Variants in ATP2B1 observed in about 807,000 individuals in gnomAD.
The protein encoded by ATP2B1 is plasma membrane calcium-transporting ATPase 1.
A neutral mutation model predicts 124.2 loss-of-function variants in ATP2B1; 14 were observed. That is an observed-to-expected ratio of 0.11 (90% CI 0.07 to 0.18). The LOEUF is 0.18. ATP2B1 is among the 10% of genes least tolerant of loss of function. The pLI is 1.00. For synonymous variants in ATP2B1, 449 were observed against 492.4 expected (o/e 0.91, Z 1.17); for missense variants, 763 against 1,466.1 (o/e 0.52, Z 7.83).
chr12:89,598,814 A>G, intron 20 of ATP2B1: 2 of 1,558,314 alleles, frequency 1.3e-6, no homozygotes, highest in East Asian at 2.2e-5. Context: ...GGACCATTCC[A>G]TCTATCAACA....
chr12:89,619,632 A>AG (rs1239201549), intron 11 of ATP2B1, among the ~76,000 whole-genome samples: 21 of 151,302 alleles, frequency 1.4e-4, no homozygotes, highest in African/African-American at 3.2e-4. Context: ...AAAAAAAAAA[A>AG]AAAGAAAGAA....
In ATP2B1 at chr12:89,603,385, T is replaced by C; in HGVS notation, c.2849-131A>G. On this transcript the variant is annotated intron_variant, in intron 17 of 20. Coordinates refer to ENST00000428670, the MANE Select transcript of ATP2B1 (RefSeq NM_001366521.1). This position sits in a 1 kb window ranked among gnomAD's most constrained non-coding sequence, Gnocchi z 4.3. ...CAGCATGGAAGGAGCTAGAGAAACC[T>C]GGGATTATCTAGTACAACTCTCTTG... The C allele has an allele frequency of 5.2e-6, 4 of 765,076 alleles. No homozygotes were observed. Among genetic ancestry groups the C allele is most frequent in the Non-Finnish European group, 8.2e-6 (4 of 489,286 alleles). The allele number at this position is 765,076 out of a possible 1,614,324, so 47.4% of individuals were successfully genotyped here.
intron 2 of ATP2B1, among the ~76,000 whole-genome samples, chr12:89,653,800 T>A (rs1311463577): frequency 6.6e-6 from 1 of 152,182 alleles, no homozygotes; most frequent in East Asian, 1.9e-4. Flanking sequence ...GAAACTGTAG[T>A]GCAAACTCAT....
At chr12:89,652,562 C>A (rs1301118384) in intron 2 of ATP2B1, among the ~76,000 whole-genome samples, 7 of 152,208 alleles carry the variant, frequency 4.6e-5, no homozygotes. Flanking sequence ...TACTTGCTGT[C>A]TAGTTCATTT....
At chr12:89,637,690 T>C (rs1262324396) in intron 3 of ATP2B1, among the ~76,000 whole-genome samples, 2 of 152,188 alleles carry the variant, frequency 1.3e-5, no homozygotes, top group African/African-American at 4.8e-5. Context: ...TGAGCCACTG[T>C]GCCCAGCTTT....
chr12:89,637,684 C>T (rs1882914192), intron 3 of ATP2B1, among the ~76,000 whole-genome samples: 1 of 152,154 alleles, frequency 6.6e-6, no homozygotes, highest in Non-Finnish European at 1.5e-5. Flanking sequence ...CAGGCATGAG[C>T]CACTGTGCCC....
At chr12:89,604,459 A>G in intron 15 of ATP2B1, 113 bp from the exon 16 acceptor site, 3 of 702,376 alleles carry the variant, frequency 4.3e-6, no homozygotes, top group Non-Finnish European at 6.7e-6. Context: ...AATAAATATT[A>G]CTTAAATTTA....
intron 1 of ATP2B1, among the ~76,000 whole-genome samples, chr12:89,675,008 A>C (rs541946960): frequency 6.6e-6 from 1 of 152,340 alleles, no homozygotes; most frequent in East Asian, 1.9e-4. Flanking sequence ...AGATTAGCCA[A>C]AATCTGAAAA....
rs756656107 is a variant in ATP2B1, at chr12:89,663,259, T to C, written c.-221-7152A>G. On this transcript the variant is annotated intron_variant, in intron 1 of 20. Transcript: ENST00000428670. ...TTTCAAACCATCTTGGTATGCCAGATATATTATAGCTTTCCTTTAAATCCT... is the reference window on the plus strand; with the variant it reads ...TTTCAAACCATCTTGGTATGCCAGACATATTATAGCTTTCCTTTAAATCCT... 1.1e-4 allele frequency among the ~76,000 whole-genome samples: 17 copies of C among 152,200 alleles called. 1 individual carries two copies. Among genetic ancestry groups the C allele is most frequent in the African/African-American group, 4.8e-5 (2 of 41,442 alleles).
chr12:89,674,030 C>T (rs970752822), intron 1 of ATP2B1, among the ~76,000 whole-genome samples: 1 of 152,082 alleles, frequency 6.6e-6, no homozygotes, highest in African/African-American at 2.4e-5. Flanking sequence ...GTCGTTTAAC[C>T]TCTTACTGAC....
At chr12:89,610,562 A>C in intron 13 of ATP2B1, 54 bp from the exon 14 acceptor site, 1 of 1,414,404 alleles carries the variant, frequency 7.1e-7, no homozygotes, top group Non-Finnish European at 1.0e-6. Flanking sequence ...CTTAAATCCT[A>C]ATGAGCTATC....
chr12:89,705,880 T>C (rs956535253), intron 1 of ATP2B1, among the ~76,000 whole-genome samples: 13 of 152,160 alleles, frequency 8.5e-5, no homozygotes, highest in South Asian at 2.1e-4. Context: ...TATAGAGAAA[T>C]TGCAAGTGTT....
In ATP2B1 at chr12:89,620,056, T is replaced by C; in HGVS notation, c.1772A>G (p.Asn591Ser). ...VRKSMSTVLK[N>S]SDGSYRIFSK... ...GAATATTCGATAACTTCCATCTGAA[T>C]TTTTCAGGACAGTACTCATGGACTT... Residue 591 changes from asparagine to serine, a missense_variant, in exon 11 of 21, where the codon AAT becomes AGT. Coordinates refer to ENST00000428670, the MANE Select transcript of ATP2B1 (RefSeq NM_001366521.1). 6.2e-7 allele frequency: 1 copy of C among 1,614,102 alleles called. No individual in the cohort carries two copies. Among genetic ancestry groups the C allele is most frequent in the Non-Finnish European group, 8.5e-7 (1 of 1,179,988 alleles).
intron 2 of ATP2B1, among the ~76,000 whole-genome samples, chr12:89,648,604 T>C (rs756598068): frequency 6.6e-6 from 1 of 152,202 alleles, no homozygotes. Flanking sequence ...CTGGAAAATG[T>C]GCAGCCTGGA....
intron 5 of ATP2B1, among the ~76,000 whole-genome samples, chr12:89,632,137 G>C (rs926928187): frequency 2.0e-5 from 3 of 146,602 alleles, no homozygotes; most frequent in Non-Finnish European, 4.6e-5. Flanking sequence ...AGGCTTTAAA[G>C]CAACTTTTTT....
chr12:89,706,830 T>C (rs1892508266), intron 1 of ATP2B1, among the ~76,000 whole-genome samples: 1 of 152,186 alleles, frequency 6.6e-6, no homozygotes, highest in African/African-American at 2.4e-5. Flanking sequence ...GCAGACTATA[T>C]GGTAGGAAAT....
intron 19 of ATP2B1, 114 bp from the exon 20 acceptor site, chr12:89,599,413 T>C (rs1430398669): frequency 2.7e-6 from 3 of 1,093,702 alleles, no homozygotes; most frequent in Admixed American, 2.6e-5. Context: ...TCTTTACCAA[T>C]GAAGTAATGG....
rs964788704 is a variant in ATP2B1, at chr12:89,627,801, A to G, written c.929-85T>C. ...TTATGCAGAAGTAGTTCACATTTCT[A>G]TAACAGTTGTTACACAATGGTGTGT... On this transcript the variant is annotated intron_variant, in intron 6 of 20. Coordinates refer to ENST00000428670, the MANE Select transcript of ATP2B1 (RefSeq NM_001366521.1). The G allele has an allele frequency of 3.2e-5, 45 of 1,395,456 alleles. No homozygotes were observed. The African/African-American group carries it at 4.3e-4, about 13-fold the overall frequency. 86.4% of individuals were successfully genotyped at this position (1,395,456 alleles called of 1,614,324 possible).
intron 3 of ATP2B1, among the ~76,000 whole-genome samples, chr12:89,638,727 T>G (rs777207001): frequency 6.6e-6 from 1 of 152,210 alleles, no homozygotes; most frequent in Non-Finnish European, 1.5e-5. Flanking sequence ...TACTGCAGTA[T>G]GATTGATAAA....
Sources: gnomAD v4.1 joint callset for allele counts (sites outside exome capture counted in the v4.1 genomes callset) on GRCh38, gnomAD v4.1.1 for gene constraint, Gnocchi (gnomAD v3.1) non-coding constraint, MANE v1.5 for transcripts, NCBI Gene and HGNC (gene_info 2026-07-23, HGNC 2026-07-21) for gene names.